The following MGAT4C variants were observed in gnomAD, a reference collection of about 807,000 sequenced individuals.
MGAT4C encodes the protein alpha-1,3-mannosyl-glycoprotein 4-beta-N-acetylglucosaminyltransferase C.
In MGAT4C, 19 loss-of-function variants were observed where a neutral mutation model predicts 40.1. The observed-to-expected ratio is 0.47, with a 90% CI of 0.33 to 0.70. The LOEUF (loss-of-function observed/expected upper bound fraction) is 0.70. Ranked by LOEUF, MGAT4C falls within the 30% of genes least tolerant of loss-of-function variation. The pLI is 0.02. For missense variants in MGAT4C, 491 were observed against 563.2 expected, an observed-to-expected ratio of 0.87 and a Z score of 1.30; for synonymous variants, 181 against 187.1, an observed-to-expected ratio of 0.97 and a Z score of 0.27.
intron 1 of MGAT4C, among the ~76,000 whole-genome samples, chr12:86,168,894 C>T (rs529533233): frequency 5.0e-4 from 76 of 152,172 alleles, no homozygotes; most frequent in Non-Finnish European, 9.6e-4. Flanking sequence ...AGCTTCTTTT[C>T]CTTCTTGGCT....
intron 1 of MGAT4C, among the ~76,000 whole-genome samples, chr12:86,822,997 A>T (rs1260240907): frequency 6.6e-6 from 1 of 151,144 alleles, no homozygotes; most frequent in East Asian, 1.9e-4. Flanking sequence ...GAAAACTGGA[A>T]ATTCCCAAAT....
intron 4 of MGAT4C, among the ~76,000 whole-genome samples, chr12:86,308,703 A>T (rs1953999633): frequency 1.3e-5 from 2 of 150,660 alleles, no homozygotes; most frequent in Non-Finnish European, 2.9e-5. Context: ...TTCTTGCTTC[A>T]ATCAAATACA....
intron 2 of MGAT4C, among the ~76,000 whole-genome samples, chr12:86,568,750 A>G (rs1374427247): frequency 6.6e-6 from 1 of 152,026 alleles, no homozygotes; most frequent in Non-Finnish European, 1.5e-5. Context: ...ATGAAAAAGC[A>G]TAGAGAACTT....
chr12:86,465,287 A>G (rs2136298972), intron 2 of MGAT4C, among the ~76,000 whole-genome samples: 1 of 152,286 alleles, frequency 6.6e-6, no homozygotes, highest in East Asian at 1.9e-4. Flanking sequence ...AATATAACAT[A>G]GGTAAAAACT....
intron 2 of MGAT4C, among the ~76,000 whole-genome samples, chr12:86,579,754 G>A (rs939916296): frequency 6.6e-6 from 1 of 151,556 alleles, no homozygotes; most frequent in Non-Finnish European, 1.5e-5. Flanking sequence ...ATGAAATCTA[G>A]CAGGTTTGTT....
At chr12:86,424,658 T>C (rs1218046404) in intron 3 of MGAT4C, among the ~76,000 whole-genome samples, 2 of 152,202 alleles carry the variant, frequency 1.3e-5, no homozygotes, top group African/African-American at 2.4e-5. Context: ...TAAATACTTA[T>C]ATAGAGCTTA....
chr12:86,609,943 C>T (rs565047522), intron 2 of MGAT4C, among the ~76,000 whole-genome samples: 1 of 152,112 alleles, frequency 6.6e-6, no homozygotes, highest in Non-Finnish European at 1.5e-5. Flanking sequence ...TTTTATAGTT[C>T]ATCACATTAT....
At chr12:86,251,474 AAAGT>A (rs956407288) in intron 1 of MGAT4C, among the ~76,000 whole-genome samples, 1 of 152,072 alleles carries the variant, frequency 6.6e-6, no homozygotes, top group African/African-American at 2.4e-5. Context: ...AACAAAAAAG[AAAGT>A]GTCTTTAAAA....
intron 1 of MGAT4C, among the ~76,000 whole-genome samples, chr12:86,079,528 T>C (rs1362113677): frequency 6.6e-6 from 1 of 152,070 alleles, no homozygotes; most frequent in Non-Finnish European, 1.5e-5. Context: ...AGGACAGCCA[T>C]TGGTCATCAT....
intron 2 of MGAT4C, among the ~76,000 whole-genome samples, chr12:86,468,035 A>G (rs559306099): frequency 3.9e-5 from 6 of 152,178 alleles, no homozygotes; most frequent in Admixed American, 2.0e-4. Flanking sequence ...ACTTACTTCT[A>G]TTTTCTAGCT....
At chr12:86,486,395 C>T (rs985762071) in intron 2 of MGAT4C, among the ~76,000 whole-genome samples, 2 of 150,966 alleles carry the variant, frequency 1.3e-5, no homozygotes, top group African/African-American at 4.9e-5. Flanking sequence ...CACACACACA[C>T]ACACACACAC....
chr12:86,559,176 T>C (rs779502247), intron 2 of MGAT4C, among the ~76,000 whole-genome samples: 1 of 151,968 alleles, frequency 6.6e-6, no homozygotes, highest in South Asian at 2.1e-4. Context: ...AAAACAAATA[T>C]TGTTAGATCT....
chr12:86,204,212 G>C (rs1018974616), intron 1 of MGAT4C, among the ~76,000 whole-genome samples: 6 of 151,446 alleles, frequency 4.0e-5, no homozygotes, highest in African/African-American at 1.5e-4. Context: ...TGGGATATTT[G>C]ATCACAAGAA....
intron 2 of MGAT4C, among the ~76,000 whole-genome samples, chr12:86,591,737 G>T (rs1354928773): frequency 6.6e-6 from 1 of 151,374 alleles, no homozygotes; most frequent in East Asian, 2.0e-4. Context: ...ATCATCCCAG[G>T]TTATTAATAT....
At chr12:86,200,457 T>G (rs1052151675) in intron 1 of MGAT4C, among the ~76,000 whole-genome samples, 1 of 152,146 alleles carries the variant, frequency 6.6e-6, no homozygotes, top group South Asian at 2.1e-4. Context: ...GTTGAAAATC[T>G]TATACACTAC....
At chr12:86,408,475 CTCTCTA>C (rs1379268387) in intron 3 of MGAT4C, among the ~76,000 whole-genome samples, 285 of 104,312 alleles carry the variant, frequency 2.7e-3, no homozygotes, top group East Asian at 5.4e-3. Flanking sequence ...CTCTCTCTCT[CTCTCTA>C]TATATATATA....
chr12:86,828,385 G>A (rs1952849982), intron 1 of MGAT4C, among the ~76,000 whole-genome samples: 1 of 151,242 alleles, frequency 6.6e-6, no homozygotes, highest in African/African-American at 2.4e-5. Flanking sequence ...TATCAGGCTA[G>A]AGTATAACAT....
intron 1 of MGAT4C, among the ~76,000 whole-genome samples, chr12:86,243,765 G>A (rs567731960): frequency 6.6e-6 from 1 of 152,098 alleles, no homozygotes; most frequent in Non-Finnish European, 1.5e-5. Flanking sequence ...AGAAAAAAAG[G>A]TTAGTAGACA....
chr12:86,467,485 T>C (rs1360260147), intron 2 of MGAT4C, among the ~76,000 whole-genome samples: 1 of 152,140 alleles, frequency 6.6e-6, no homozygotes, highest in African/African-American at 2.4e-5. Context: ...GCCTTTGTAA[T>C]AGCATCCAGA....
Sources: gnomAD v4.1 joint callset for allele counts (sites outside exome capture counted in the v4.1 genomes callset) on GRCh38, gnomAD v4.1.1 for gene constraint, MANE v1.5 for transcripts, NCBI Gene and HGNC (gene_info 2026-07-23, HGNC 2026-07-21) for gene names.